SHOC1: variants seen among roughly 807,000 people sequenced by gnomAD.
SHOC1 encodes shortage in chiasmata 1.
A neutral mutation model predicts 179.2 loss-of-function variants in SHOC1; 136 were observed. The observed-to-expected ratio is 0.76, with a 90% CI of 0.66 to 0.87. The LOEUF is 0.87. Ranked by LOEUF, SHOC1 falls within the 40% of genes least tolerant of loss-of-function variation. The probability of loss-of-function intolerance (pLI) is 0.00; values close to 1 mark genes in which losing one functional copy is unlikely to be tolerated. For missense variants in SHOC1, 1,538 were observed against 1,700.8 expected, an observed-to-expected ratio of 0.90 and a Z score of 1.68; for synonymous variants, 489 against 586.6, an observed-to-expected ratio of 0.83 and a Z score of 2.41.
intron 13 of SHOC1, among the ~76,000 whole-genome samples, chr9:111,725,453 T>C (rs1263445381): frequency 6.6e-6 from 1 of 152,046 alleles, no homozygotes; most frequent in East Asian, 1.9e-4. Flanking sequence ...TTAGACAGAG[T>C]TACCCACCCA....
rs1323538966 is a variant in SHOC1 at position 111,706,706 on chromosome 9, C to T, written c.2599G>A (p.Ala867Thr). 1.2e-6 allele frequency: 2 copies of T among 1,607,782 alleles called. No individual in the cohort carries two copies. The highest frequency in any genetic ancestry group is 1.1e-5 in the South Asian group (1 of 90,048). ...CVVVHNQYIG[A>T]DFPWSNFSFV... The stretch of plus-strand genomic sequence containing the variant: ...GAGAAATTACTCCAGGGGAAATCTG[C>T]TCCAATATATTGATTATGTACAACT... Residue 867 changes from alanine (A) to threonine (T), a missense_variant, in exon 20 of 28, where the codon GCA becomes ACA. Ala to Thr is a moderately conservative substitution (Grantham distance 58). Coordinates refer to ENST00000682961, the MANE Select transcript of SHOC1 (RefSeq NM_001378211.1).
intron 27 of SHOC1, among the ~76,000 whole-genome samples, chr9:111,689,724 A>G (rs62569947): frequency 0.07 from 10,616 of 152,192 alleles, 556 homozygotes; most frequent in South Asian, 0.16. Context: ...GAAGAAATTA[A>G]TATTTCTAAA....
intron 10 of SHOC1, 84 bp downstream of exon 10, chr9:111,746,150 G>C (rs1296643372): frequency 1.2e-6 from 1 of 839,228 alleles, no homozygotes; most frequent in East Asian, 2.6e-5. Flanking sequence ...AGGTATCTTG[G>C]AAATTGCTTT....
chr9:111,697,062 C>A (rs146980418), intron 24 of SHOC1, among the ~76,000 whole-genome samples: 11 of 152,218 alleles, frequency 7.2e-5, no homozygotes, highest in Non-Finnish European at 1.2e-4. Flanking sequence ...TCATTCTTAC[C>A]CATCAGGGTG....
intron 12 of SHOC1, among the ~76,000 whole-genome samples, chr9:111,734,250 G>T (rs535791515): frequency 6.6e-6 from 1 of 152,056 alleles, no homozygotes; most frequent in South Asian, 2.1e-4. Flanking sequence ...TAATTTATTG[G>T]ATATCAAGAA....
At chr9:111,702,772 A>C (rs1358910) in intron 22 of SHOC1, among the ~76,000 whole-genome samples, 79,524 of 152,058 alleles carry the variant, frequency 0.52, 21,887 homozygotes, top group East Asian at 0.87. Context: ...TAAGGAATTC[A>C]AAAAATGACC....
At chr9:111,699,884 G>A in intron 24 of SHOC1, 70 bp downstream of exon 24, 1 of 843,734 alleles carries the variant, frequency 1.2e-6, no homozygotes, top group South Asian at 1.8e-5. Flanking sequence ...TTTCTCATTG[G>A]GCACTTAAGT....
chr9:111,791,410 T>C lies in SHOC1; in HGVS notation c.9A>G (p.Ser3=). 1 of 1,477,438 alleles carries C rather than the reference T, an allele frequency of 6.8e-7. No individual in the cohort carries two copies. 91.5% of individuals were successfully genotyped at this position (1,477,438 alleles called of 1,614,324 possible). A position where few individuals can be genotyped will look rare whatever the true frequency, so the allele number is the denominator to read the frequency against. ...AGTCTATTGCATGATATTTCAATGC[T>C]GAAAACATATCTTCTTTCTTTCAAA... is the stretch of plus-strand genomic sequence containing the variant. The part of the protein sequence containing the change: MF[S]ALKYHAIDYL... Residue 3 remains serine, a synonymous_variant, in exon 2 of 28, where the codon TCA becomes TCG. Transcript: ENST00000682961.
chr9:111,751,832 A>G (rs1185572965), intron 8 of SHOC1, among the ~76,000 whole-genome samples: 1 of 152,198 alleles, frequency 6.6e-6, no homozygotes, highest in African/African-American at 2.4e-5. Flanking sequence ...AAGTGAGGAG[A>G]AGGGGAAGGA....
At chr9:111,723,271 G>C (rs917286062) in intron 14 of SHOC1, among the ~76,000 whole-genome samples, 1 of 152,068 alleles carries the variant, frequency 6.6e-6, no homozygotes, top group Non-Finnish European at 1.5e-5. Flanking sequence ...TAATCATCTA[G>C]AGACCAAAAG....
intron 2 of SHOC1, among the ~76,000 whole-genome samples, chr9:111,790,158 A>C (rs1836400497): frequency 6.6e-6 from 1 of 152,240 alleles, no homozygotes; most frequent in Non-Finnish European, 1.5e-5. Flanking sequence ...CTAACCTATA[A>C]AATTGTAAAA....
intron 14 of SHOC1, among the ~76,000 whole-genome samples, chr9:111,723,502 C>A (rs1031589308): frequency 6.6e-6 from 1 of 152,108 alleles, no homozygotes; most frequent in Non-Finnish European, 1.5e-5. Flanking sequence ...CCAGACTGGG[C>A]AGAAGAGTCC....
chr9:111,700,640 A>G (rs1170106580), intron 23 of SHOC1, among the ~76,000 whole-genome samples: 2 of 152,140 alleles, frequency 1.3e-5, no homozygotes, highest in African/African-American at 4.8e-5. Context: ...GGGACTCAAA[A>G]CAATACCATC....
chr9:111,753,697 G>A (rs184857658), intron 8 of SHOC1, among the ~76,000 whole-genome samples: 67 of 152,130 alleles, frequency 4.4e-4, no homozygotes, highest in South Asian at 2.3e-3. Flanking sequence ...TTAATAGAAC[G>A]AGGGACAAGA....
chr9:111,697,961 T>A (rs1218829781), intron 24 of SHOC1, among the ~76,000 whole-genome samples: 2 of 152,188 alleles, frequency 1.3e-5, no homozygotes, highest in African/African-American at 4.8e-5. Context: ...GCATTTTTTC[T>A]TGTGTCTGTT....
chr9:111,725,287 A>G (rs1001825289), intron 13 of SHOC1, among the ~76,000 whole-genome samples: 1 of 152,184 alleles, frequency 6.6e-6, no homozygotes, highest in African/African-American at 2.4e-5. Context: ...AGTTAAGTGT[A>G]AAATAAGACA....
At chr9:111,752,133 A>G (rs1320016417) in intron 8 of SHOC1, among the ~76,000 whole-genome samples, 2 of 152,206 alleles carry the variant, frequency 1.3e-5, no homozygotes, top group Non-Finnish European at 2.9e-5. Flanking sequence ...TGGGTCAACT[A>G]GAACTTGGAT....
chr9:111,695,533 T>G (rs1419897698), intron 24 of SHOC1, among the ~76,000 whole-genome samples: 4 of 152,180 alleles, frequency 2.6e-5, no homozygotes, highest in Admixed American at 2.0e-4. Context: ...CAGCACTCAT[T>G]TAATTTTACA....
intron 14 of SHOC1, 56 bp from the exon 15 acceptor site, chr9:111,722,641 T>A: frequency 7.0e-7 from 1 of 1,419,178 alleles, no homozygotes; most frequent in Non-Finnish European, 9.6e-7. Context: ...ATGCTCTTTT[T>A]GATGAACCAA....
Sources: gnomAD v4.1 joint callset for allele counts (sites outside exome capture counted in the v4.1 genomes callset) on GRCh38, gnomAD v4.1.1 for gene constraint, MANE v1.5 for transcripts, NCBI Gene and HGNC (gene_info 2026-07-23, HGNC 2026-07-21) for gene names.